The following OOSP1 variants were observed in gnomAD, a reference collection of about 807,000 sequenced individuals.
OOSP1 encodes the protein putative oocyte-secreted protein 1 homolog.
Under a neutral mutation model 5.7 loss-of-function variants are expected in OOSP1, and 11 were observed. That is an observed-to-expected ratio of 1.94 (90% confidence interval 1.22 to 3.20). OOSP1 has a LOEUF of 3.20. OOSP1 is among the 30% of genes most tolerant of loss of function. The pLI is 0.00. For missense variants in OOSP1, 83 were observed against 54.1 expected (o/e 1.53, Z -1.67); for synonymous variants, 44 against 20.0 (o/e 2.20, Z -3.20).
chr11:59,953,908 C>T (rs1853964586), intron 4 of OOSP1, among the ~76,000 whole-genome samples: 1 of 152,138 alleles, frequency 6.6e-6, no homozygotes, highest in Admixed American at 6.6e-5. Context: ...TCATGAGTTG[C>T]TTACTAATCG....
chr11:59,949,867 T>G lies in OOSP1; in HGVS notation c.486+2005T>G, dbSNP rs144171395. ...GACTACAAGGCCAATGGTCCTCAGC[T>G]AGGGGCAATTTTACCCTCTGGGGGA... On this transcript the variant is annotated intron_variant, in intron 4 of 4. Transcript: ENST00000646685. Among the ~76,000 whole-genome samples, 36 of 152,286 alleles carry G rather than the reference T, an allele frequency of 2.4e-4. No homozygotes were observed. The East Asian group carries it at 5.8e-3, about 25-fold the overall frequency.
intron 1 of OOSP1, among the ~76,000 whole-genome samples, chr11:59,941,614 G>A (rs969390607): frequency 6.8e-4 from 104 of 152,098 alleles, no homozygotes; most frequent in African/African-American, 2.2e-3. Flanking sequence ...TCCTGACCTC[G>A]TGATCCACCC....
At position 59,945,883 on chromosome 11, in the gene OOSP1, C is replaced by T. The variant is rs74514716; in HGVS notation, c.356+617C>T. On this transcript the variant is annotated intron_variant, in intron 3 of 4. Transcript: ENST00000646685. ...GAGACCTCAGAGTTTTTACTCATGG[C>T]GGAAGGCAACGGAAGGCAACAGAAG... 5.3e-3 allele frequency among the ~76,000 whole-genome samples: 806 copies of T among 151,462 alleles called. 10 individuals carry two copies. The highest frequency in any genetic ancestry group is 0.018 in the African/African-American group (735 of 41,266).
intron 3 of OOSP1, among the ~76,000 whole-genome samples, chr11:59,947,441 G>A (rs1853898195): frequency 6.6e-6 from 1 of 152,086 alleles, no homozygotes; most frequent in Non-Finnish European, 1.5e-5. Flanking sequence ...CCAAATTCAG[G>A]ATGAGAAAAT....
At chr11:59,948,679 T>A in intron 4 of OOSP1, 1 of 397,836 alleles carries the variant, frequency 2.5e-6, no homozygotes, top group Non-Finnish European at 4.4e-6. Flanking sequence ...GACGTATATT[T>A]TACTGTCTTT....
chr11:59,941,447 T>A (rs1853824116), intron 1 of OOSP1, among the ~76,000 whole-genome samples: 1 of 152,000 alleles, frequency 6.6e-6, no homozygotes, highest in Non-Finnish European at 1.5e-5. Flanking sequence ...TGGCACCATC[T>A]CGGCTCACTG....
chr11:59,949,532 T>C (rs563530385), intron 4 of OOSP1, among the ~76,000 whole-genome samples: 4 of 151,212 alleles, frequency 2.6e-5, no homozygotes, highest in African/African-American at 4.9e-5. Context: ...GAACAGCTGA[T>C]GTAAAGTCAC....
chr11:59,939,934 C>T (rs539391724), intron 1 of OOSP1, among the ~76,000 whole-genome samples: 11 of 152,136 alleles, frequency 7.2e-5, no homozygotes, highest in Non-Finnish European at 1.5e-4. Context: ...TTTGTAGAGA[C>T]TTGCTATGTT....
intron 4 of OOSP1, among the ~76,000 whole-genome samples, chr11:59,952,755 C>CA (rs1012434432): frequency 2.6e-5 from 4 of 152,054 alleles, no homozygotes; most frequent in African/African-American, 7.2e-5. Flanking sequence ...ATCTATCTAA[C>CA]AAAAAAATCA....
intron 1 of OOSP1, among the ~76,000 whole-genome samples, chr11:59,939,808 CTCTTTCTCT>C (rs547340657): frequency 1.6e-3 from 235 of 150,812 alleles, no homozygotes; most frequent in Non-Finnish European, 2.9e-3. Context: ...TCTTTCTCTT[CTCTTTCTCT>C]TCTTTCTCTT....
At chr11:59,953,931 A>C (rs1043149234) in intron 4 of OOSP1, among the ~76,000 whole-genome samples, 1 of 152,198 alleles carries the variant, frequency 6.6e-6, no homozygotes, top group Admixed American at 6.6e-5. Context: ...ATATGTTCTG[A>C]GAAATGCATT....
At chr11:59,938,445 A>G (rs923771702) in exon 1 of OOSP1, 7 of 555,126 alleles carry the variant, frequency 1.3e-5, no homozygotes, top group East Asian at 1.2e-4. Flanking sequence ...TTGGTTTTCA[A>G]TCTGGGCAAA....
chr11:59,941,485 T>C (rs1476985557), intron 1 of OOSP1, among the ~76,000 whole-genome samples: 1 of 152,108 alleles, frequency 6.6e-6, no homozygotes, highest in Non-Finnish European at 1.5e-5. Flanking sequence ...GTTCACATGA[T>C]TCTCCTGCCT....
intron 1 of OOSP1, among the ~76,000 whole-genome samples, chr11:59,939,894 A>T (rs1392931135): frequency 1.3e-5 from 2 of 151,450 alleles, no homozygotes; most frequent in African/African-American, 2.4e-5. Context: ...AGCTCACTGC[A>T]GCTGTGAACT....
At chr11:59,945,706 G>A (rs1045711328) in intron 3 of OOSP1, among the ~76,000 whole-genome samples, 14 of 134,372 alleles carry the variant, frequency 1.0e-4, no homozygotes, top group Admixed American at 1.0e-3. Flanking sequence ...AGCTGAAATC[G>A]TGCCATTGCA....
chr11:59,952,067 T>C (rs1853945575), intron 4 of OOSP1, among the ~76,000 whole-genome samples: 1 of 152,138 alleles, frequency 6.6e-6, no homozygotes, highest in Admixed American at 6.5e-5. Context: ...CATGAATCAA[T>C]ATTTAAAATG....
intron 1 of OOSP1, among the ~76,000 whole-genome samples, chr11:59,941,188 T>G (rs1375219780): frequency 6.6e-6 from 1 of 152,232 alleles, no homozygotes; most frequent in Non-Finnish European, 1.5e-5. Flanking sequence ...AATTGGCGTT[T>G]TTTTTCACTC....
intron 2 of OOSP1, among the ~76,000 whole-genome samples, 186 bp downstream of exon 2, chr11:59,943,214 G>C (rs573172535): frequency 1.7e-4 from 20 of 116,376 alleles, no homozygotes; most frequent in East Asian, 9.2e-4. Flanking sequence ...GTTGTGGGGT[G>C]GGGGGAGGGG....
At chr11:59,949,488 T>C (rs1440635615) in intron 4 of OOSP1, among the ~76,000 whole-genome samples, 1 of 151,182 alleles carries the variant, frequency 6.6e-6, no homozygotes, top group Non-Finnish European at 1.5e-5. Flanking sequence ...ACTTAAAGTA[T>C]AATAATAATA....
Sources: allele counts gnomAD v4.1 joint callset (sites outside exome capture counted in the v4.1 genomes callset), GRCh38; gene constraint gnomAD v4.1.1; transcripts MANE v1.5; gene names NCBI Gene and HGNC (gene_info 2026-07-23, HGNC 2026-07-21).